Variants in HS2ST1 observed in about 807,000 individuals in gnomAD.
The protein encoded by HS2ST1 is heparan sulfate 2-O-sulfotransferase 1.
In HS2ST1, 18 loss-of-function variants were observed where a neutral mutation model predicts 42.9. That is an observed-to-expected ratio of 0.42 (90% CI 0.29 to 0.62). The LOEUF (loss-of-function observed/expected upper bound fraction) is 0.62, where lower values mean the gene tolerates loss of function less well. HS2ST1 is among the 20% of genes least tolerant of loss of function. The pLI is 0.21. For missense variants in HS2ST1, 334 were observed against 433.8 expected (o/e 0.77, Z 2.04); for synonymous variants, 146 against 152.9 (o/e 0.95, Z 0.33).
rs933474466 is a variant in HS2ST1, at chr1:87,045,838, C to T, written c.125-27096C>T. 29 of 742,928 alleles carry T rather than the reference C, an allele frequency of 3.9e-5. No homozygotes were observed. In the Admixed American group the frequency reaches 4.8e-4, roughly 12 times the overall value. 46.0% of individuals were successfully genotyped at this position (742,928 alleles called of 1,614,324 possible). A position where few individuals can be genotyped will look rare whatever the true frequency, so the allele number is the denominator to read the frequency against. ...TTATCCCATGTGAGCTCAGCTCCATCCCCCTTTTCTGCTAAATGAACTCTC... is the reference window on the plus strand; with the variant it reads ...TTATCCCATGTGAGCTCAGCTCCATTCCCCTTTTCTGCTAAATGAACTCTC... On this transcript the variant is annotated intron_variant, in intron 1 of 6. Coordinates refer to ENST00000370550, the MANE Select transcript of HS2ST1 (RefSeq NM_012262.4).
chr1:86,946,597 C>T (rs1647345774), intron 1 of HS2ST1, among the ~76,000 whole-genome samples: 1 of 152,182 alleles, frequency 6.6e-6, no homozygotes, highest in East Asian at 1.9e-4. Context: ...ATACATATAC[C>T]AACCCCTCTT....
In HS2ST1 at chr1:86,954,044, A is replaced by T. The variant is rs372061416; in HGVS notation, c.124+38884A>T. 2.7e-3 allele frequency among the ~76,000 whole-genome samples: 309 copies of T among 115,760 alleles called. 3 individuals carry two copies. Among genetic ancestry groups the T allele is most frequent in the African/African-American group, 5.6e-3 (114 of 20,420 alleles). The allele number at this position is 115,760 out of a possible 152,430, so 75.9% of individuals were successfully genotyped here. A position where few individuals can be genotyped will look rare whatever the true frequency, so the allele number is the denominator to read the frequency against. On this transcript the variant is annotated intron_variant, in intron 1 of 6. Transcript: ENST00000370550. ...AACAAACATCACTGTTTTTTTTAAA[A>T]AAAAAAAAAAAAAAAAAAAAAAAAA...
intron 1 of HS2ST1, among the ~76,000 whole-genome samples, chr1:86,918,224 AT>A (rs1557478914): frequency 6.6e-6 from 1 of 152,078 alleles, no homozygotes; most frequent in Non-Finnish European, 1.5e-5. Context: ...AAAAAAAAAA[AT>A]TCAGTAATAC....
intron 1 of HS2ST1, among the ~76,000 whole-genome samples, chr1:86,946,022 A>C (rs1381973106): frequency 6.6e-6 from 1 of 152,234 alleles, no homozygotes; most frequent in African/African-American, 2.4e-5. Context: ...TCTAAGTCTT[A>C]AGTATTTGAC....
At position 87,072,952 on chromosome 1, in the gene HS2ST1, A is replaced by G; in HGVS notation, c.143A>G (p.His48Arg). ...RSKLERAIAR[H>R]EVREIEQRHT... ...TTTCCAGAAAGGGCTATTGCAAGAC[A>G]CGAAGTCCGAGAAATTGAGCAGCGA... Residue 48 changes from histidine (H) to arginine (R), a missense_variant, in exon 2 of 7, where the codon CAC becomes CGC. Physicochemically the swap from His to Arg is conservative, Grantham distance 29. Coordinates refer to ENST00000370550, the MANE Select transcript of HS2ST1 (RefSeq NM_012262.4). 4.3e-6 allele frequency: 7 copies of G among 1,613,978 alleles called. No individual in the cohort carries two copies. The highest frequency in any genetic ancestry group is 5.9e-6 in the Non-Finnish European group (7 of 1,179,926).
At chr1:86,951,062 C>T (rs771326995) in intron 1 of HS2ST1, among the ~76,000 whole-genome samples, 1 of 152,148 alleles carries the variant, frequency 6.6e-6, no homozygotes, top group Non-Finnish European at 1.5e-5. Flanking sequence ...AGTAATACAT[C>T]TTAGTAGTTT....
intron 1 of HS2ST1, among the ~76,000 whole-genome samples, chr1:86,985,787 A>T (rs1262117032): frequency 6.6e-6 from 1 of 151,948 alleles, no homozygotes; most frequent in Admixed American, 6.6e-5. Flanking sequence ...ACCTTTTATG[A>T]TATTTTTACT....
At chr1:86,944,404 G>C (rs1006749921) in intron 1 of HS2ST1, among the ~76,000 whole-genome samples, 1 of 152,046 alleles carries the variant, frequency 6.6e-6, no homozygotes, top group African/African-American at 2.4e-5. Flanking sequence ...GCCCAGGCTG[G>C]AGTGCAGTGG....
rs182976541 is a variant in HS2ST1, at chr1:86,945,617, C to T, written c.124+30457C>T. 3.1e-3 allele frequency among the ~76,000 whole-genome samples: 478 copies of T among 152,176 alleles called. 1 individual carries two copies. Among genetic ancestry groups the T allele is most frequent in the African/African-American group, 0.011 (449 of 41,518 alleles). On this transcript the variant is annotated intron_variant, in intron 1 of 6. Coordinates refer to ENST00000370550, the MANE Select transcript of HS2ST1 (RefSeq NM_012262.4). ...TAGATTCTATTCAAGAAGAAATTTGCGACAATCTTGAACTTGTACTTATAG... is the reference window on the plus strand; with the variant it reads ...TAGATTCTATTCAAGAAGAAATTTGTGACAATCTTGAACTTGTACTTATAG...
chr1:87,102,749 C>G (rs891705048), intron 5 of HS2ST1, among the ~76,000 whole-genome samples: 1 of 152,012 alleles, frequency 6.6e-6, no homozygotes, highest in Non-Finnish European at 1.5e-5. Context: ...TTCCCCTCCC[C>G]CTCTTTGTTT....
intron 1 of HS2ST1, among the ~76,000 whole-genome samples, chr1:87,005,769 A>G (rs1324858870): frequency 6.6e-6 from 1 of 152,154 alleles, no homozygotes; most frequent in South Asian, 2.1e-4. Flanking sequence ...CTCCTCAGTC[A>G]TATTACCAAA....
intron 3 of HS2ST1, among the ~76,000 whole-genome samples, chr1:87,085,425 A>G (rs552350898): frequency 6.6e-6 from 1 of 152,320 alleles, no homozygotes; most frequent in Non-Finnish European, 1.5e-5. Context: ...TTGGGAAATC[A>G]TGTAATTAAA....
chr1:87,025,849 A>G (rs1345559383), intron 1 of HS2ST1, among the ~76,000 whole-genome samples: 9 of 152,318 alleles, frequency 5.9e-5, no homozygotes, highest in African/African-American at 2.2e-4. Context: ...AGAATGTAAC[A>G]TGAATTAAAA....
chr1:86,917,151 A>G (rs1432846650), intron 1 of HS2ST1, among the ~76,000 whole-genome samples: 2 of 152,218 alleles, frequency 1.3e-5, no homozygotes, highest in African/African-American at 4.8e-5. Flanking sequence ...AGAGGAAACC[A>G]TATTTTGACA....
At chr1:87,019,298 G>A (rs1034704777) in intron 1 of HS2ST1, among the ~76,000 whole-genome samples, 4 of 152,046 alleles carry the variant, frequency 2.6e-5, no homozygotes, top group Admixed American at 6.6e-5. Context: ...AAGTTCAAAC[G>A]GTATTCCTTA....
At chr1:86,950,858 A>G (rs1647493050) in intron 1 of HS2ST1, among the ~76,000 whole-genome samples, 1 of 152,122 alleles carries the variant, frequency 6.6e-6, no homozygotes, top group Non-Finnish European at 1.5e-5. Flanking sequence ...AAAAGAAATG[A>G]CCTCTTTATG....
At chr1:86,973,910 G>A (rs1456464405) in intron 1 of HS2ST1, among the ~76,000 whole-genome samples, 2 of 152,146 alleles carry the variant, frequency 1.3e-5, no homozygotes, top group Non-Finnish European at 2.9e-5. Flanking sequence ...AGCATTTGCA[G>A]AGCAATTTAA....
chr1:86,955,563 A>G (rs566032763), intron 1 of HS2ST1, among the ~76,000 whole-genome samples: 4 of 152,156 alleles, frequency 2.6e-5, no homozygotes, highest in Admixed American at 6.5e-5. Flanking sequence ...CTGAGGTGCA[A>G]TTTTTAATGG....
intron 2 of HS2ST1, among the ~76,000 whole-genome samples, chr1:87,083,579 T>C (rs1274658926): frequency 6.6e-6 from 1 of 152,180 alleles, no homozygotes; most frequent in Non-Finnish European, 1.5e-5. Context: ...TTAATTTTTG[T>C]GTACGTTAAT....
Sources: gnomAD v4.1 joint callset for allele counts (sites outside exome capture counted in the v4.1 genomes callset) on GRCh38, gnomAD v4.1.1 for gene constraint, MANE v1.5 for transcripts, NCBI Gene and HGNC (gene_info 2026-07-23, HGNC 2026-07-21) for gene names.